CCDC77: variants seen among roughly 807,000 people sequenced by gnomAD.
The protein encoded by CCDC77 is coiled-coil domain-containing protein 77.
CCDC77 carries 56 observed loss-of-function variants against 66.8 expected under a neutral mutation model. The ratio of observed to expected loss-of-function variants is 0.84; its 90% CI spans 0.68 to 1.05. The LOEUF (loss-of-function observed/expected upper bound fraction) is 1.05. Ranked by LOEUF, CCDC77 falls within the 50% of genes least tolerant of loss-of-function variation. The pLI is 0.00. For synonymous variants in CCDC77, 196 were observed against 195.2 expected (o/e 1.00, Z -0.03); for missense variants, 570 against 576.8 (o/e 0.99, Z 0.12).
intron 4 of CCDC77, among the ~76,000 whole-genome samples, chr12:415,408 A>G (rs566310883): frequency 4.1e-5 from 3 of 73,434 alleles, no homozygotes; most frequent in Admixed American, 1.3e-4. Context: ...TCAACATAAT[A>G]TGTTGATATT....
At chr12:420,291 C>A (rs71435008) in intron 5 of CCDC77, among the ~76,000 whole-genome samples, 8 of 13,380 alleles carry the variant, frequency 6.0e-4, no homozygotes, top group Admixed American at 9.9e-4. Context: ...ATAGCAGCAC[C>A]CTCCATGTTC....
At position 411,968 on chromosome 12, in the gene CCDC77, G is replaced by T; in HGVS notation, c.260G>T (p.Cys87Phe). The change falls in exon 4 of 13, where the codon TGT becomes TTT. Residue 87 changes from cysteine to phenylalanine, a missense_variant. Coordinates refer to ENST00000239830, the MANE Select transcript of CCDC77 (RefSeq NM_032358.4). Reference sequence around the variant, plus strand: ...AAACTGGAACTCTACAAAGAAGCTTGTGAAGGACAGGTAAAGAAACGATGC... The same window carrying T: ...AAACTGGAACTCTACAAAGAAGCTTTTGAAGGACAGGTAAAGAAACGATGC... ...LKKLELYKEA[C>F]EGQHKLECDL... The T allele has an allele frequency of 1.2e-6, 2 of 1,612,544 alleles. No individual in the cohort carries two copies. The highest frequency in any genetic ancestry group is 1.7e-6 in the Non-Finnish European group (2 of 1,178,992).
chr12:409,222 A>C (rs1945057904), intron 2 of CCDC77, 146 bp from the exon 3 acceptor site: 2 of 641,792 alleles, frequency 3.1e-6, no homozygotes, highest in East Asian at 2.9e-5. Context: ...AAAAAAAAAA[A>C]AAGAAAAAAA....
chr12:403,190 G>A (rs1445342614), intron 1 of CCDC77, among the ~76,000 whole-genome samples: 1 of 152,190 alleles, frequency 6.6e-6, no homozygotes, highest in African/African-American at 2.4e-5. Flanking sequence ...ATAAAAACAG[G>A]AGGAATAATG....
chr12:424,100 A>G (rs1406207518), intron 5 of CCDC77, among the ~76,000 whole-genome samples: 1 of 151,914 alleles, frequency 6.6e-6, no homozygotes, highest in African/African-American at 2.4e-5. Flanking sequence ...CCTCCTGAGT[A>G]GCTGGGACTA....
chr12:431,212 C>CTTTTTTTTTTTTTTTTTTTTTTT (rs61068771), intron 7 of CCDC77, among the ~76,000 whole-genome samples: 7 of 115,778 alleles, frequency 6.0e-5, no homozygotes, highest in South Asian at 2.8e-4. Context: ...TTGCTCAGTT[C>CTTTTTTTTTTTTTTTTTTTTTTT]TTTTTTTTTT....
chr12:436,761 G>A (rs575954792), intron 9 of CCDC77: 8 of 984,698 alleles, frequency 8.1e-6, no homozygotes, highest in African/African-American at 1.7e-5. Context: ...GCACATGATC[G>A]GTTCCTTCCA....
At chr12:425,043 G>T (rs1347327505) in intron 5 of CCDC77, among the ~76,000 whole-genome samples, 3 of 151,064 alleles carry the variant, frequency 2.0e-5, no homozygotes. Context: ...TGATCCTCCT[G>T]CCTCATCCTT....
chr12:440,786 T>G (rs1945843470), intron 11 of CCDC77, 44 bp downstream of exon 11: 1 of 1,613,310 alleles, frequency 6.2e-7, no homozygotes, highest in African/African-American at 1.3e-5. Context: ...GAAGTGCAGA[T>G]GGCTGGGGAA....
At chr12:433,616 C>G in intron 9 of CCDC77, 1 of 327,318 alleles carries the variant, frequency 3.1e-6, no homozygotes, top group African/African-American at 2.2e-5. Flanking sequence ...CGCCTGTAAT[C>G]GCTCCTGCCT....
At chr12:411,372 G>T (rs566363565) in intron 3 of CCDC77, among the ~76,000 whole-genome samples, 1 of 151,898 alleles carries the variant, frequency 6.6e-6, no homozygotes, top group East Asian at 1.9e-4. Context: ...TAGAGACGGG[G>T]TTTCACCATG....
intron 4 of CCDC77, among the ~76,000 whole-genome samples, chr12:417,429 G>T (rs1001986366): frequency 6.6e-5 from 10 of 152,066 alleles, no homozygotes; most frequent in African/African-American, 1.7e-4. Flanking sequence ...ACAGATCTCA[G>T]AATGTTTATT....
chr12:430,450 C>A (rs1207611111), intron 6 of CCDC77, among the ~76,000 whole-genome samples: 1 of 152,188 alleles, frequency 6.6e-6, no homozygotes, highest in Admixed American at 6.5e-5. Context: ...TGCCACCACA[C>A]CTGGCCTACC....
rs1356925996 is a variant in CCDC77, at chr12:441,931, T to C, written c.*11T>C. ...CTTAGACTCTGTTAATGTCTACTTT[T>C]GGAAATGGCCCCCATTTAGAAGAGG... On this transcript the variant is annotated 3_prime_UTR_variant, in exon 13 of 13. Coordinates refer to ENST00000239830, the MANE Select transcript of CCDC77 (RefSeq NM_032358.4). 6 of 1,613,738 alleles carry C rather than the reference T, an allele frequency of 3.7e-6. No homozygotes were observed. The highest frequency in any genetic ancestry group is 1.7e-5 in the Admixed American group (1 of 59,990).
chr12:392,981 G>T lies in CCDC77; in HGVS notation c.-113+3495G>T, dbSNP rs1220593526. Reference sequence around the variant, plus strand: ...TTTTGTACTTTTTTTTTTAACATTTGGCTTAGCAGGATCGAGCTGGATTAT... The same window carrying T: ...TTTTGTACTTTTTTTTTTAACATTTTGCTTAGCAGGATCGAGCTGGATTAT... On this transcript the variant is annotated intron_variant, in intron 1 of 11. Coordinates refer to the CCDC77 transcript ENST00000422000. 2.7e-5 allele frequency among the ~76,000 whole-genome samples: 4 copies of T among 149,132 alleles called. No homozygotes were observed. In the East Asian group the frequency reaches 7.8e-4, roughly 29 times the overall value.
chr12:397,016 C>A (rs922476442), upstream of CCDC77, among the ~76,000 whole-genome samples: 9 of 152,170 alleles, frequency 5.9e-5, no homozygotes, highest in African/African-American at 2.2e-4. Flanking sequence ...AAGCAATTCG[C>A]CTGCCTCAGC....
chr12:428,552 T>C (rs1591986955), intron 5 of CCDC77, among the ~76,000 whole-genome samples: 2 of 143,418 alleles, frequency 1.4e-5, no homozygotes, highest in South Asian at 4.4e-4. Context: ...AGCTAAGAAG[T>C]GCCCTGGCCC....
chr12:397,356 G>A (rs1944841187), upstream of CCDC77, among the ~76,000 whole-genome samples: 1 of 152,082 alleles, frequency 6.6e-6, no homozygotes, highest in Non-Finnish European at 1.5e-5. Context: ...CTAAAAGAAA[G>A]GAAATAGACA....
intron 12 of CCDC77, 92 bp from the exon 13 acceptor site, chr12:441,681 AG>A (rs1011374917): frequency 8.9e-6 from 12 of 1,342,616 alleles, no homozygotes; most frequent in Non-Finnish European, 1.2e-5. Context: ...TCTCACAAAA[AG>A]GAGCTAGCAT....
Sources: gnomAD v4.1 joint callset for allele counts (sites outside exome capture counted in the v4.1 genomes callset) on GRCh38, gnomAD v4.1.1 for gene constraint, MANE v1.5 for transcripts, NCBI Gene and HGNC (gene_info 2026-07-23, HGNC 2026-07-21) for gene names.